SLC9A4: variants seen among roughly 807,000 people sequenced by gnomAD.
SLC9A4 encodes sodium/hydrogen exchanger 4.
Under a neutral mutation model 67.4 loss-of-function variants are expected in SLC9A4, and 63 were observed. The ratio of observed to expected loss-of-function variants is 0.93; its 90% CI spans 0.76 to 1.15. The LOEUF (loss-of-function observed/expected upper bound fraction) is 1.15, where lower values mean the gene tolerates loss of function less well. Ranked by LOEUF, SLC9A4 falls within the 50% of genes most tolerant of loss-of-function variation. The pLI is 0.00. For missense variants in SLC9A4, 1,089 were observed against 987.7 expected, an observed-to-expected ratio of 1.10 and a Z score of -1.38; for synonymous variants, 393 against 367.2, an observed-to-expected ratio of 1.07 and a Z score of -0.80.
At chr2:102,520,888 T>A (rs559799855) in intron 9 of SLC9A4, among the ~76,000 whole-genome samples, 9 of 152,312 alleles carry the variant, frequency 5.9e-5, no homozygotes, top group African/African-American at 1.9e-4. Context: ...TATAATCCAA[T>A]GAAAGTGATT....
intron 9 of SLC9A4, among the ~76,000 whole-genome samples, chr2:102,523,350 G>A (rs1674586974): frequency 6.6e-6 from 1 of 151,916 alleles, no homozygotes; most frequent in African/African-American, 2.4e-5. Context: ...ATAGCTAATG[G>A]AAACCATAAA....
chr2:102,503,541 G>C lies in SLC9A4; in HGVS notation c.814G>C (p.Val272Leu), dbSNP rs562401734. Residue 272 changes from valine (V) to leucine (L), a missense_variant, in exon 3 of 12, where the codon GTT becomes CTT. Physicochemically the swap from Val to Leu is conservative, Grantham distance 32. Coordinates refer to ENST00000295269, the MANE Select transcript of SLC9A4 (RefSeq NM_001011552.4). ...DILAGCARFI[V>L]VGLGGVLFGI... Reference sequence around the variant, plus strand: ...TTTGGCTGGATGTGCCCGATTCATCGTTGTGGGGCTTGGAGGGGTATTGTT... The same window carrying C: ...TTTGGCTGGATGTGCCCGATTCATCCTTGTGGGGCTTGGAGGGGTATTGTT... 2.1e-5 allele frequency: 34 copies of C among 1,614,108 alleles called. No homozygotes were observed. In the South Asian group the frequency reaches 3.7e-4, roughly 18 times the overall value.
Position 102,505,484 on chromosome 2 carries a change from A to G in SLC9A4, c.1198+13A>G. ...TGGAGAGCCATCAGTAAGAGACGGCAGGGCTCCAGAGTCTCCGGTCCTGCT... is the reference window on the plus strand; with the variant it reads ...TGGAGAGCCATCAGTAAGAGACGGCGGGGCTCCAGAGTCTCCGGTCCTGCT... On this transcript the variant is annotated intron_variant, in intron 4 of 11. Coordinates refer to ENST00000295269, the MANE Select transcript of SLC9A4 (RefSeq NM_001011552.4). 8.1e-6 allele frequency: 13 copies of G among 1,611,432 alleles called. No homozygotes were observed. Among genetic ancestry groups the G allele is most frequent in the Non-Finnish European group, 1.1e-5 (13 of 1,178,850 alleles).
intron 8 of SLC9A4, among the ~76,000 whole-genome samples, chr2:102,518,194 C>A (rs1685315962): frequency 1.3e-5 from 2 of 152,278 alleles, no homozygotes; most frequent in Middle Eastern, 3.4e-3. Context: ...TCGTCCCCCC[C>A]AAAGTGGTCA....
At chr2:102,522,715 T>C (rs1674548376) in intron 9 of SLC9A4, among the ~76,000 whole-genome samples, 1 of 152,248 alleles carries the variant, frequency 6.6e-6, no homozygotes, top group Non-Finnish European at 1.5e-5. Context: ...TGTGTTATTT[T>C]TCACGACAGT....
intron 8 of SLC9A4, among the ~76,000 whole-genome samples, chr2:102,515,836 C>G (rs529871245): frequency 6.6e-6 from 1 of 152,184 alleles, no homozygotes; most frequent in South Asian, 2.1e-4. Context: ...ACAGGCCTTG[C>G]CCTCATGGAC....
chr2:102,498,604 C>T (rs939006462), intron 2 of SLC9A4, among the ~76,000 whole-genome samples: 1 of 141,522 alleles, frequency 7.1e-6, no homozygotes, highest in African/African-American at 2.7e-5. Context: ...TGGCTTCACT[C>T]CTTTCAGTGT....
intron 2 of SLC9A4, among the ~76,000 whole-genome samples, chr2:102,494,575 A>G (rs1684768053): frequency 6.6e-6 from 1 of 152,172 alleles, no homozygotes; most frequent in Non-Finnish European, 1.5e-5. Flanking sequence ...GGGCTCAAAT[A>G]TATTCTATTT....
Position 102,479,193 on chromosome 2 carries a change from C to G in SLC9A4, c.611C>G (p.Ser204Cys). 1 of 1,614,206 alleles carries G rather than the reference C, an allele frequency of 6.2e-7. No individual in the cohort carries two copies. Among genetic ancestry groups the G allele is most frequent in the Non-Finnish European group, 8.5e-7 (1 of 1,180,028 alleles). ...LQNLLFGSLI[S>C]AVDPVAVLAV... ...AACCTGCTGTTCGGCAGCCTGATCT[C>G]CGCCGTGGACCCAGTGGCCGTGCTA... Residue 204 changes from serine to cysteine, a missense_variant, in exon 2 of 12, where the codon TCC becomes TGC. Coordinates refer to ENST00000295269, the MANE Select transcript of SLC9A4 (RefSeq NM_001011552.4).
chr2:102,501,220 C>T (rs1459750660), intron 2 of SLC9A4, among the ~76,000 whole-genome samples: 17 of 152,002 alleles, frequency 1.1e-4, no homozygotes, highest in Admixed American at 3.9e-4. Flanking sequence ...TTCCCGGGTT[C>T]GAGCAATTCT....
chr2:102,523,291 C>T (rs1050467915), intron 9 of SLC9A4, among the ~76,000 whole-genome samples: 24 of 152,068 alleles, frequency 1.6e-4, no homozygotes, highest in Admixed American at 3.3e-4. Context: ...ACCTTCTTTA[C>T]AACACTATTT....
At chr2:102,504,347 C>T (rs1685005734) in intron 3 of SLC9A4, among the ~76,000 whole-genome samples, 1 of 152,206 alleles carries the variant, frequency 6.6e-6, no homozygotes, top group Non-Finnish European at 1.5e-5. Flanking sequence ...TGAAGAGAGG[C>T]ATGCACGAGG....
At position 102,532,390 on chromosome 2, in the gene SLC9A4, G is replaced by A. The variant is rs754134962; in HGVS notation, c.2099G>A (p.Gly700Glu). Residue 700 changes from glycine (G) to glutamate (E), a missense_variant, in exon 12 of 12, where the codon GGG becomes GAG. Gly to Glu is a moderately conservative substitution (Grantham distance 98). Coordinates refer to ENST00000295269, the MANE Select transcript of SLC9A4 (RefSeq NM_001011552.4). Reference sequence around the variant, plus strand: ...ACGTTCAGCGCATGCTCTCGGATAGGGTCACTTCAGAAGCAAGAGGCACAA... The same window carrying A: ...ACGTTCAGCGCATGCTCTCGGATAGAGTCACTTCAGAAGCAAGAGGCACAA... Reference protein sequence around the residue: ...SITFSACSRIGSLQKQEAQEI... With the variant: ...SITFSACSRIESLQKQEAQEI... 1 of 1,614,160 alleles carries A rather than the reference G, an allele frequency of 6.2e-7. No individual in the cohort carries two copies. The highest frequency in any genetic ancestry group is 8.5e-7 in the Non-Finnish European group (1 of 1,180,038).
intron 8 of SLC9A4, among the ~76,000 whole-genome samples, chr2:102,517,170 G>T: frequency 6.6e-6 from 1 of 152,106 alleles, no homozygotes; most frequent in East Asian, 1.9e-4. Context: ...TCCAAATGTT[G>T]TTCATCTTGG....
At chr2:102,498,898 G>A (rs1684864798) in intron 2 of SLC9A4, among the ~76,000 whole-genome samples, 2 of 152,340 alleles carry the variant, frequency 1.3e-5, no homozygotes, top group South Asian at 4.1e-4. Context: ...TCATGGATCA[G>A]ACACTCAGAG....
intron 1 of SLC9A4, 140 bp from the exon 2 acceptor site, chr2:102,478,699 A>T: frequency 1.3e-6 from 1 of 769,126 alleles, no homozygotes; most frequent in Non-Finnish European, 2.1e-6. Flanking sequence ...TGACACTACC[A>T]GTTCCTGCTA....
At position 102,532,676 on chromosome 2, in the gene SLC9A4, C is replaced by T. The variant is rs1674804246; in HGVS notation, c.2385C>T (p.Leu795=). The change falls in exon 12 of 12, where the codon CTC becomes CTT. Residue 795 remains leucine, a synonymous_variant. Transcript: ENST00000295269. ...RDHHRSHSPL[L]QKK is the part of the protein sequence containing the mutation. Reference sequence around the variant, plus strand: ...ATCACAGGTCCCATAGTCCTTTGCTCCAAAAAAAATAGTGTTATTGTCCAC... The same window carrying T: ...ATCACAGGTCCCATAGTCCTTTGCTTCAAAAAAAATAGTGTTATTGTCCAC... 1 of 1,610,356 alleles carries T rather than the reference C, an allele frequency of 6.2e-7. No individual in the cohort carries two copies. Among genetic ancestry groups the T allele is most frequent in the Non-Finnish European group, 8.5e-7 (1 of 1,178,528 alleles).
intron 2 of SLC9A4, among the ~76,000 whole-genome samples, chr2:102,482,416 A>G (rs1244682612): frequency 6.6e-6 from 1 of 152,238 alleles, no homozygotes; most frequent in Non-Finnish European, 1.5e-5. Flanking sequence ...TGATACGCCT[A>G]GAACAAGGAC....
chr2:102,519,986 T>C lies in SLC9A4; in HGVS notation c.1818+31T>C, dbSNP rs1355236153. On this transcript the variant is annotated intron_variant, in intron 9 of 11. Transcript: ENST00000295269. ...TATGAGCCACCTGTGTTGTCCCCAT[T>C]TTCTGTCCTTGAAAACAGTCTCTGA... 8 of 1,597,996 alleles carry C rather than the reference T, an allele frequency of 5.0e-6. No individual in the cohort carries two copies. In the East Asian group the frequency reaches 1.8e-4, roughly 36 times the overall value.
Sources: gnomAD v4.1 joint callset for allele counts (sites outside exome capture counted in the v4.1 genomes callset) on GRCh38, gnomAD v4.1.1 for gene constraint, MANE v1.5 for transcripts, NCBI Gene and HGNC (gene_info 2026-07-23, HGNC 2026-07-21) for gene names.